PLB1: variants seen among roughly 807,000 people sequenced by gnomAD.
PLB1 encodes phospholipase B1.
A neutral mutation model predicts 227.4 loss-of-function variants in PLB1; 242 were observed. That is an observed-to-expected ratio of 1.06 (90% confidence interval 0.96 to 1.18). The LOEUF is 1.18. PLB1 is among the 50% of genes most tolerant of loss of function. The pLI is 0.00. For missense variants in PLB1, 1,858 were observed against 1,816.3 expected, an observed-to-expected ratio of 1.02 and a Z score of -0.42; for synonymous variants, 757 against 682.2, an observed-to-expected ratio of 1.11 and a Z score of -1.71.
At chr2:28,588,427 T>C (rs1446818714) in intron 26 of PLB1, among the ~76,000 whole-genome samples, 1 of 152,212 alleles carries the variant, frequency 6.6e-6, no homozygotes, top group Non-Finnish European at 1.5e-5. Flanking sequence ...TACTCAAGGC[T>C]GACCACTGGC....
intron 33 of PLB1, 193 bp downstream of exon 33, chr2:28,593,947 C>CTT (rs386389801): frequency 0.15 from 87,674 of 600,426 alleles, 1,916 homozygotes; most frequent in Middle Eastern, 0.19. Flanking sequence ...TGTTGATAAT[C>CTT]TTTTTTTTTT....
Position 28,643,224 on chromosome 2 carries a change from G to A in PLB1, c.*163G>A, listed in dbSNP as rs1690163536. On this transcript the variant is annotated 3_prime_UTR_variant, in exon 58 of 58. Coordinates refer to ENST00000327757, the MANE Select transcript of PLB1 (RefSeq NM_153021.5). ...GGGCCTGGGCTTCTTCCAGGCCTAT[G>A]CTCCTGGAATGGATACATTTAAATA... 2 of 600,608 alleles carry A rather than the reference G, an allele frequency of 3.3e-6. No homozygotes were observed. The highest frequency in any genetic ancestry group is 5.7e-6 in the Non-Finnish European group (2 of 348,280). 37.2% of individuals were successfully genotyped at this position (600,608 alleles called of 1,614,324 possible).
Position 28,606,379 on chromosome 2 carries a change from G to A in PLB1, c.3058-117G>A, listed in dbSNP as rs1684680964. The A allele has an allele frequency of 4.8e-6, 5 of 1,035,502 alleles. No homozygotes were observed. In the South Asian group the frequency reaches 6.0e-5, roughly 13 times the overall value. The allele number at this position is 1,035,502 out of a possible 1,614,324, so 64.1% of individuals were successfully genotyped here. ...GCAACTGGCAGAGCCAGAAGTGGGA[G>A]CCAAGCCCCCTGAAATCGAGTTCTG... On this transcript the variant is annotated intron_variant, in intron 42 of 57. Coordinates refer to ENST00000327757, the MANE Select transcript of PLB1 (RefSeq NM_153021.5).
At chr2:28,555,863 C>CTTT (rs57277349) in intron 17 of PLB1, among the ~76,000 whole-genome samples, 89 of 128,156 alleles carry the variant, frequency 6.9e-4, no homozygotes, top group Middle Eastern at 4.4e-3. Context: ...AGTTACTTTC[C>CTTT]TTTTTTTTTT....
At chr2:28,641,309 T>TC (rs1198293584) in intron 57 of PLB1, among the ~76,000 whole-genome samples, 1 of 152,094 alleles carries the variant, frequency 6.6e-6, no homozygotes, top group African/African-American at 2.4e-5. Flanking sequence ...GCATCCTCAG[T>TC]CTTAAAAGTG....
chr2:28,604,714 G>A lies in PLB1; in HGVS notation c.2916G>A (p.Val972=). 2 of 1,614,162 alleles carry A rather than the reference G, an allele frequency of 1.2e-6. No homozygotes were observed. The highest frequency in any genetic ancestry group is 8.5e-7 in the Non-Finnish European group (1 of 1,180,006). ...ATGACACGCAGGAGGACTTCTCTGTGGTGCTGCAGCCCTTCTTCCAGAACA... is the reference window on the plus strand; with the variant it reads ...ATGACACGCAGGAGGACTTCTCTGTAGTGCTGCAGCCCTTCTTCCAGAACA... ...GRYDTQEDFS[V]VLQPFFQNIQ... The change falls in exon 41 of 58, where the codon GTG becomes GTA. Residue 972 remains valine (V), a synonymous_variant. Coordinates refer to ENST00000327757, the MANE Select transcript of PLB1 (RefSeq NM_153021.5).
rs1202116947 is a variant in PLB1, at chr2:28,538,335, G to A, written c.572G>A (p.Gly191Asp). 3.7e-6 allele frequency: 6 copies of A among 1,613,372 alleles called. No individual in the cohort carries two copies. The highest frequency in any genetic ancestry group is 2.7e-5 in the African/African-American group (2 of 74,888). The change falls in exon 10 of 58, where the codon GGC (glycine) becomes GAC (aspartate). Residue 191 changes from glycine to aspartate, a missense_variant. Coordinates refer to ENST00000327757, the MANE Select transcript of PLB1 (RefSeq NM_153021.5). ...PSAQQNGLAA[G>D]GVDELMGVLD... Reference sequence around the variant, plus strand: ...CTCTCACAGAATGGGCTTGCGGCGGGCGGCGTGGATGAGCTGATGGGGGTG... The same window carrying A: ...CTCTCACAGAATGGGCTTGCGGCGGACGGCGTGGATGAGCTGATGGGGGTG...
chr2:28,579,616 A>AT lies in PLB1; in HGVS notation c.1486-9dup. ...ACAAGGTGCTTACTTCTGTGTTTCTATTCATTTCAGAGGATACACTTTCAG... is the reference window on the plus strand; with the variant it reads ...ACAAGGTGCTTACTTCTGTGTTTCTATTTCATTTCAGAGGATACACTTTCAG... On this transcript the variant is annotated splice_polypyrimidine_tract_variant and intron_variant, in intron 22 of 57. Coordinates refer to ENST00000327757, the MANE Select transcript of PLB1 (RefSeq NM_153021.5). 1 of 1,604,834 alleles carries AT rather than the reference A, an allele frequency of 6.2e-7. No individual in the cohort carries two copies. Among genetic ancestry groups the AT allele is most frequent in the Non-Finnish European group, 8.5e-7 (1 of 1,171,844 alleles).
At chr2:28,543,109 A>C in intron 13 of PLB1, 103 bp from the exon 14 acceptor site, 1 of 1,253,834 alleles carries the variant, frequency 8.0e-7, no homozygotes. Context: ...TGGACAGATC[A>C]GGCTGCCCCA....
chr2:28,585,052 G>A (rs1050018779), intron 25 of PLB1, among the ~76,000 whole-genome samples: 1 of 152,154 alleles, frequency 6.6e-6, no homozygotes, highest in African/African-American at 2.4e-5. Flanking sequence ...TTATTGCAGT[G>A]CTTGGTACAG....
intron 20 of PLB1, among the ~76,000 whole-genome samples, chr2:28,570,305 G>GA (rs933390676): frequency 2.0e-5 from 3 of 150,662 alleles, no homozygotes; most frequent in African/African-American, 2.4e-5. Context: ...CCAGCAATAT[G>GA]AAAAAAAAAG....
intron 7 of PLB1, 105 bp from the exon 8 acceptor site, chr2:28,529,622 GA>G (rs1353089233): frequency 8.1e-7 from 1 of 1,229,138 alleles, no homozygotes; most frequent in African/African-American, 1.5e-5. Context: ...GCCAGGGGTG[GA>G]TAAAGCTTAG....
intron 23 of PLB1, 73 bp from the exon 24 acceptor site, chr2:28,581,995 A>C: frequency 7.1e-7 from 1 of 1,407,008 alleles, no homozygotes; most frequent in Non-Finnish European, 9.9e-7. Flanking sequence ...GGGACCCAAG[A>C]GAGAAAGTAG....
intron 29 of PLB1, 94 bp downstream of exon 29, chr2:28,590,170 G>A: frequency 1.8e-6 from 2 of 1,087,654 alleles, no homozygotes; most frequent in South Asian, 1.3e-5. Flanking sequence ...AGCTCTGCCT[G>A]CCCACCCACC....
At chr2:28,514,398 A>G (rs1434679470) in intron 1 of PLB1, among the ~76,000 whole-genome samples, 1 of 152,122 alleles carries the variant, frequency 6.6e-6, no homozygotes. Context: ...GTTCTTCTTC[A>G]ATATTGTGTT....
At chr2:28,499,783 G>A (rs765030678) in intron 1 of PLB1, among the ~76,000 whole-genome samples, 1 of 152,104 alleles carries the variant, frequency 6.6e-6, no homozygotes, top group Non-Finnish European at 1.5e-5. Flanking sequence ...TGTTCGGGAG[G>A]TTGAGGCAGG....
In PLB1 at chr2:28,633,031, A is replaced by G. The variant is rs1372752638; in HGVS notation, c.4090A>G (p.Asn1364Asp). Residue 1364 changes from asparagine to aspartate, a missense_variant, in exon 56 of 58, where the codon AAC becomes GAC. Asn to Asp is a conservative substitution (Grantham distance 23, BLOSUM62 1). Coordinates refer to ENST00000327757, the MANE Select transcript of PLB1 (RefSeq NM_153021.5). ...GHAEMAIALW[N>D]NMLEPVGRKT... ...TGCCGAGATGGCCATCGCACTCTGG[A>G]ACAACATGGTGAGCAGCCAAGGGCC... is the stretch of plus-strand genomic sequence containing the variant. 1 of 1,613,420 alleles carries G rather than the reference A, an allele frequency of 6.2e-7. No individual in the cohort carries two copies.
At position 28,578,654 on chromosome 2, in the gene PLB1, G is replaced by A. The variant is rs78704058; in HGVS notation, c.1485+496G>A. ...TAAAAGTAGAGGAGATGTTTGAGCCGGGTTCTGAAAGATGAATATGCAGCT... is the reference window on the plus strand; with the variant it reads ...TAAAAGTAGAGGAGATGTTTGAGCCAGGTTCTGAAAGATGAATATGCAGCT... On this transcript the variant is annotated intron_variant, in intron 22 of 57. Coordinates refer to ENST00000327757, the MANE Select transcript of PLB1 (RefSeq NM_153021.5). Among the ~76,000 whole-genome samples, 1,294 of 152,184 alleles carry A rather than the reference G, an allele frequency of 8.5e-3. 20 individuals are homozygous for A. Among genetic ancestry groups the A allele is most frequent in the African/African-American group, 0.029 (1,218 of 41,510 alleles).
chr2:28,538,572 G>A (rs914728697), intron 10 of PLB1, among the ~76,000 whole-genome samples, 191 bp downstream of exon 10: 1 of 152,154 alleles, frequency 6.6e-6, no homozygotes, highest in Admixed American at 6.5e-5. Context: ...CTCCACTCCT[G>A]CAAAGGAAAC....
Sources: gnomAD v4.1 joint callset for allele counts (sites outside exome capture counted in the v4.1 genomes callset) on GRCh38, gnomAD v4.1.1 for gene constraint, MANE v1.5 for transcripts, NCBI Gene and HGNC (gene_info 2026-07-23, HGNC 2026-07-21) for gene names.